ARHGAP26: variants seen among roughly 807,000 people sequenced by gnomAD.
The protein encoded by ARHGAP26 is Rho GTPase activating protein 26.
In ARHGAP26, 38 loss-of-function variants were observed where a neutral mutation model predicts 104.8. The ratio of observed to expected loss-of-function variants is 0.36; its 90% confidence interval spans 0.28 to 0.48. ARHGAP26 has a LOEUF of 0.48. Among genes scored for constraint, ARHGAP26 ranks in the 20% least tolerant of loss-of-function variants. The pLI is 0.99. For synonymous variants in ARHGAP26, 341 were observed against 340.0 expected (o/e 1.00, Z -0.03); for missense variants, 704 against 947.9 (o/e 0.74, Z 3.38).
chr5:143,103,207 C>G (rs917905504), intron 17 of ARHGAP26: 7 of 984,540 alleles, frequency 7.1e-6, no homozygotes, highest in Non-Finnish European at 8.4e-6. Flanking sequence ...TGCCTGGGAC[C>G]TTAAAAGTCA....
At chr5:143,220,925 T>C (rs545572096) in intron 22 of ARHGAP26, among the ~76,000 whole-genome samples, 1 of 152,362 alleles carries the variant, frequency 6.6e-6, no homozygotes, top group African/African-American at 2.4e-5. Flanking sequence ...TCTGTAGCAG[T>C]GTCGGAGCGG....
rs552040310 is a variant in ARHGAP26 at position 143,037,362 on chromosome 5, T to G, written c.1210+101T>G. ...TGTTTCCTGACTTTAAGTGACTCAT[T>G]AGCTCCCCAAGTGCCATTGTCAGTG... On this transcript the variant is annotated intron_variant, in intron 13 of 22. Transcript: ENST00000645722. 3.9e-4 allele frequency: 363 copies of G among 942,654 alleles called. 10 individuals carry two copies. The South Asian group carries it at 7.3e-3, about 19-fold the overall frequency. 58.4% of individuals were successfully genotyped at this position (942,654 alleles called of 1,614,324 possible).
Position 143,011,602 on chromosome 5 carries a change from C to T in ARHGAP26, c.1108-2478C>T, listed in dbSNP as rs75599377. 4.3e-3 allele frequency among the ~76,000 whole-genome samples: 651 copies of T among 152,238 alleles called. 3 individuals are homozygous for T. The highest frequency in any genetic ancestry group is 0.015 in the African/African-American group (633 of 41,540). ...AGCCGCTATGCCCTTCCTCAATAGCCACATGAGTAAAATGGATAAAAGCCA... is the reference window on the plus strand; with the variant it reads ...AGCCGCTATGCCCTTCCTCAATAGCTACATGAGTAAAATGGATAAAAGCCA... On this transcript the variant is annotated intron_variant, in intron 11 of 22. Transcript: ENST00000645722.
chr5:142,875,317 T>G (rs1028361339), intron 3 of ARHGAP26, 146 bp downstream of exon 3: 20 of 736,414 alleles, frequency 2.7e-5, no homozygotes, highest in Non-Finnish European at 4.1e-5. Context: ...TTTGTAGAGT[T>G]TGAAGGCTTT....
intron 9 of ARHGAP26, among the ~76,000 whole-genome samples, chr5:142,909,699 C>T (rs1761574580): frequency 6.6e-6 from 1 of 152,102 alleles, no homozygotes; most frequent in South Asian, 2.1e-4. Flanking sequence ...TATTAAAAAC[C>T]TACATTATTA....
intron 1 of ARHGAP26, among the ~76,000 whole-genome samples, chr5:142,813,215 A>G (rs888294412): frequency 2.0e-4 from 30 of 152,224 alleles, no homozygotes; most frequent in Admixed American, 1.8e-3. Context: ...TGCGGGGATT[A>G]CAGGCGTGAG....
chr5:143,201,307 T>G (rs886296818), intron 20 of ARHGAP26, among the ~76,000 whole-genome samples: 10 of 152,228 alleles, frequency 6.6e-5, no homozygotes, highest in Admixed American at 3.3e-4. Context: ...CCATCTGGAC[T>G]CTGAGGGTTG....
chr5:142,919,857 C>T (rs971395217), intron 10 of ARHGAP26, among the ~76,000 whole-genome samples: 3 of 151,896 alleles, frequency 2.0e-5, no homozygotes, highest in Non-Finnish European at 2.9e-5. Flanking sequence ...AAAAATTAGC[C>T]GAGCATGGTG....
intron 1 of ARHGAP26, among the ~76,000 whole-genome samples, chr5:142,849,016 A>T (rs1485841677): frequency 1.3e-5 from 2 of 152,196 alleles, no homozygotes; most frequent in Non-Finnish European, 2.9e-5. Context: ...AATTTACTGG[A>T]AGTCTCTTCC....
intron 11 of ARHGAP26, among the ~76,000 whole-genome samples, chr5:142,952,161 C>T (rs989667335): frequency 2.0e-5 from 3 of 152,216 alleles, no homozygotes; most frequent in Non-Finnish European, 4.4e-5. Context: ...TCCTTAATTA[C>T]ACTTTTTTTT....
At chr5:143,110,561 T>G (rs575890846) in intron 17 of ARHGAP26, among the ~76,000 whole-genome samples, 5 of 152,332 alleles carry the variant, frequency 3.3e-5, no homozygotes, top group African/African-American at 1.2e-4. Flanking sequence ...AACACCAGAC[T>G]GGCATACACA....
chr5:143,032,357 C>G (rs991846976), intron 12 of ARHGAP26, among the ~76,000 whole-genome samples: 4 of 152,132 alleles, frequency 2.6e-5, no homozygotes, highest in Admixed American at 6.5e-5. Flanking sequence ...ACAGGTCCTG[C>G]GACAACTCAT....
chr5:142,778,539 A>G (rs1756830382), intron 1 of ARHGAP26, among the ~76,000 whole-genome samples: 1 of 152,218 alleles, frequency 6.6e-6, no homozygotes, highest in Admixed American at 6.5e-5. Context: ...ATGTCAGTAC[A>G]TGCATGTAGT....
intron 10 of ARHGAP26, among the ~76,000 whole-genome samples, chr5:142,916,336 T>C (rs2152492462): frequency 6.6e-6 from 1 of 152,268 alleles, no homozygotes; most frequent in African/African-American, 2.4e-5. Flanking sequence ...GGAGGTGATA[T>C]CCTAGGAGGT....
chr5:142,979,445 C>G (rs1234879537), intron 11 of ARHGAP26, among the ~76,000 whole-genome samples: 2 of 152,174 alleles, frequency 1.3e-5, no homozygotes, highest in Admixed American at 1.3e-4. Context: ...CCTTGGGAAC[C>G]CTGTGCATCC....
chr5:142,913,333 T>A (rs746069117), intron 10 of ARHGAP26, 40 bp downstream of exon 10: 1 of 1,552,790 alleles, frequency 6.4e-7, no homozygotes, highest in Non-Finnish European at 8.9e-7. Context: ...CAAATAGAGC[T>A]GAATTTCTAT....
chr5:142,902,091 T>C (rs1453598926), intron 7 of ARHGAP26, 52 bp downstream of exon 7: 2 of 1,509,738 alleles, frequency 1.3e-6, no homozygotes, highest in East Asian at 4.5e-5. Context: ...AAAAACAAAA[T>C]ATGGGCCTGA....
intron 11 of ARHGAP26, among the ~76,000 whole-genome samples, chr5:142,941,301 A>G (rs750866627): frequency 6.6e-6 from 1 of 152,042 alleles, no homozygotes; most frequent in Non-Finnish European, 1.5e-5. Context: ...AGTAATAGCC[A>G]TTCTGACTGG....
intron 1 of ARHGAP26, among the ~76,000 whole-genome samples, chr5:142,833,665 T>C (rs1768976618): frequency 1.3e-5 from 2 of 152,214 alleles, no homozygotes; most frequent in African/African-American, 4.8e-5. Context: ...ATTTGCGCTC[T>C]TTCTGTGTGA....
Sources: gnomAD v4.1 joint callset for allele counts (sites outside exome capture counted in the v4.1 genomes callset) on GRCh38, gnomAD v4.1.1 for gene constraint, MANE v1.5 for transcripts, NCBI Gene and HGNC (gene_info 2026-07-23, HGNC 2026-07-21) for gene names.